The following TUT4 variants were observed in gnomAD, a reference collection of about 807,000 sequenced individuals.
The protein encoded by TUT4 is terminal uridylyl transferase 4.
In TUT4, 36 loss-of-function variants were observed where a neutral mutation model predicts 192.2. That is an observed-to-expected ratio of 0.19 (90% confidence interval 0.14 to 0.25). The LOEUF is 0.25. TUT4 is among the 10% of genes least tolerant of loss of function. The pLI, the probability that TUT4 is intolerant of heterozygous loss-of-function variation, is 1.00. For missense variants in TUT4, 1,493 were observed against 1,957.2 expected (o/e 0.76, Z 4.47); for synonymous variants, 618 against 666.0 (o/e 0.93, Z 1.11).
At chr1:52,435,595 C>G (rs941823932) in intron 26 of TUT4, 130 bp from the exon 27 acceptor site, 4 of 697,012 alleles carry the variant, frequency 5.7e-6, no homozygotes, top group Non-Finnish European at 7.2e-6. Context: ...GACTTTTAAA[C>G]CTTAAGTATA....
intron 20 of TUT4, among the ~76,000 whole-genome samples, chr1:52,456,230 C>T (rs1232384448): frequency 6.6e-6 from 1 of 151,062 alleles, no homozygotes; most frequent in African/African-American, 2.4e-5. Flanking sequence ...ATGGTAAAAC[C>T]CCACTCTACT....
intron 24 of TUT4, 111 bp downstream of exon 24, chr1:52,445,676 A>G (rs1299027088): frequency 2.6e-6 from 2 of 781,682 alleles, no homozygotes; most frequent in Admixed American, 2.7e-5. Flanking sequence ...AAAATATACA[A>G]AGCTATGACC....
chr1:52,502,042 C>A (rs1674254969), intron 4 of TUT4, among the ~76,000 whole-genome samples: 1 of 148,842 alleles, frequency 6.7e-6, no homozygotes, highest in East Asian at 2.0e-4. Flanking sequence ...GAGATGATTG[C>A]AAAACAATGT....
At position 52,474,923 on chromosome 1, in the gene TUT4, G is replaced by A; in HGVS notation, c.2636C>T (p.Thr879Ile). ...TSATSCNCKA[T>I]EDASDLNDDD... ...ATCATTAAGGTCAGAAGCATCTTCT[G>A]TAGCTTTGCAGTTGCAAGAGGTAGC... The change falls in exon 13 of 30, where the codon ACA becomes ATA. Residue 879 changes from threonine (T) to isoleucine (I), a missense_variant. Thr to Ile is a moderately conservative substitution (Grantham distance 89). Coordinates refer to ENST00000257177, the MANE Select transcript of TUT4 (RefSeq NM_001009881.3). 1 of 1,614,164 alleles carries A rather than the reference G, an allele frequency of 6.2e-7. No individual in the cohort carries two copies. The highest frequency in any genetic ancestry group is 1.1e-5 in the South Asian group (1 of 91,082).
intron 1 of TUT4, among the ~76,000 whole-genome samples, chr1:52,536,412 T>TA (rs1196674827): frequency 4.6e-5 from 7 of 151,932 alleles, no homozygotes; most frequent in African/African-American, 7.3e-5. Context: ...TATAATTCTA[T>TA]AAAAAATCAA....
intron 11 of TUT4, 88 bp from the exon 12 acceptor site, chr1:52,477,970 G>T: frequency 1.6e-6 from 2 of 1,272,518 alleles, no homozygotes; most frequent in East Asian, 2.5e-5. Context: ...TGGAGATCAC[G>T]TTTTCAAAAA....
intron 10 of TUT4, 38 bp downstream of exon 10, chr1:52,481,766 T>C (rs1381879737): frequency 1.3e-6 from 2 of 1,554,448 alleles, no homozygotes; most frequent in African/African-American, 1.4e-5. Flanking sequence ...GCAAACTATA[T>C]ATATATATGC....
At chr1:52,429,082 G>GTTTTTTTT (rs1195739562) in intron 28 of TUT4, among the ~76,000 whole-genome samples, 1 of 131,420 alleles carries the variant, frequency 7.6e-6, no homozygotes, top group Non-Finnish European at 1.6e-5. Flanking sequence ...TCCATAATAG[G>GTTTTTTTT]TTTTTTTTTT....
intron 3 of TUT4, among the ~76,000 whole-genome samples, chr1:52,510,970 TTTAGCAATGC>T (rs1676984918): frequency 6.6e-6 from 1 of 152,234 alleles, no homozygotes; most frequent in South Asian, 2.1e-4. Flanking sequence ...ACACTGAAAC[TTTAGCAATGC>T]TTAGTTTTTA....
Position 52,435,476 on chromosome 1 carries a change from G to T in TUT4, c.4163-11C>A. ...GGACCAGCTGGGCTGCTAAGAGAAG[G>T]CATCACAAAGAAAATCAACAGATAA... On this transcript the variant is annotated splice_polypyrimidine_tract_variant and intron_variant, in intron 26 of 29. Coordinates refer to ENST00000257177, the MANE Select transcript of TUT4 (RefSeq NM_001009881.3). 1 of 1,609,312 alleles carries T rather than the reference G, an allele frequency of 6.2e-7. No homozygotes were observed. The highest frequency in any genetic ancestry group is 8.5e-7 in the Non-Finnish European group (1 of 1,175,884).
rs1029716868 is a variant in TUT4, at chr1:52,525,945, G to A, written c.336C>T (p.Thr112=). ...CCTTTTCTGATTTTGCCTGTGAAAT[G>A]GTTGCCTTTTCGGCTTTCACCGGTG... ...PNSPVKAEKA[T]ISQAKSEKAT... is the part of the protein sequence containing the mutation. Residue 112 remains threonine (T), a synonymous_variant, in exon 2 of 30, where the codon ACC becomes ACT. Transcript: ENST00000257177. 2 of 1,613,954 alleles carry A rather than the reference G, an allele frequency of 1.2e-6. No homozygotes were observed. Among genetic ancestry groups the A allele is most frequent in the Non-Finnish European group, 1.7e-6 (2 of 1,180,020 alleles).
chr1:52,425,728 T>C (rs1012320450), intron 28 of TUT4, among the ~76,000 whole-genome samples: 1 of 152,102 alleles, frequency 6.6e-6, no homozygotes, highest in African/African-American at 2.4e-5. Context: ...CACAACAATA[T>C]GTAATAATTG....
At chr1:52,463,443 C>G in intron 16 of TUT4, 3 of 1,026,880 alleles carry the variant, frequency 2.9e-6, no homozygotes, top group Non-Finnish European at 3.5e-6. Context: ...GTTAAGTCAT[C>G]ACTGCCATCT....
At position 52,461,216 on chromosome 1, in the gene TUT4, T is replaced by C; in HGVS notation, c.3239A>G (p.His1080Arg). 1 of 1,603,010 alleles carries C rather than the reference T, an allele frequency of 6.2e-7. No individual in the cohort carries two copies. Among genetic ancestry groups the C allele is most frequent in the Non-Finnish European group, 8.5e-7 (1 of 1,175,496 alleles). Residue 1080 changes from histidine (H) to arginine (R), a missense_variant, in exon 19 of 30, where the codon CAT becomes CGT. By Grantham distance (29) the His-to-Arg change is conservative (BLOSUM62 0). This residue lies in a region of TUT4 where 141 missense variants were observed against 382.7 expected (regional missense o/e 0.37). Transcript: ENST00000257177. ...ATAAGTAGCTAGCATTCTTGTGTTA[T>C]GTTGAGCCTGAAAAATAATTACATA... ...DISLYNTLAQ[H>R]NTRMLATYAA...
At chr1:52,443,077 A>G (rs2148393588) in intron 24 of TUT4, among the ~76,000 whole-genome samples, 1 of 150,066 alleles carries the variant, frequency 6.7e-6, no homozygotes, top group East Asian at 2.0e-4. Flanking sequence ...TAAGGTCCGG[A>G]GTTCAAAACC....
chr1:52,493,582 AAAAGAAAAG>A lies in TUT4; in HGVS notation c.1318+20_1318+28del. The A allele has an allele frequency of 7.1e-7, 1 of 1,400,776 alleles. No individual in the cohort carries two copies. The highest frequency in any genetic ancestry group is 9.8e-7 in the Non-Finnish European group (1 of 1,023,740). The allele number at this position is 1,400,776 out of a possible 1,614,324, so 86.8% of individuals were successfully genotyped here. ...CTTTAGAAAGACAAATTAAAAAAAA[AAAAGAAAAG>A]AAAAAGAAAAGAAACTCACCATTTT... On this transcript the variant is annotated intron_variant, in intron 7 of 29. Coordinates refer to ENST00000257177, the MANE Select transcript of TUT4 (RefSeq NM_001009881.3).
In TUT4 at chr1:52,457,485, C is replaced by T. The variant is rs576746697; in HGVS notation, c.3435+851G>A. Reference sequence around the variant, plus strand: ...TCTTGACCTCGTGATCTGCCCGCCTCGGCCTCCCAAAGTGCTGGGATTACA... The same window carrying T: ...TCTTGACCTCGTGATCTGCCCGCCTTGGCCTCCCAAAGTGCTGGGATTACA... On this transcript the variant is annotated intron_variant, in intron 20 of 29. Transcript: ENST00000257177. Among the ~76,000 whole-genome samples the T allele has an allele frequency of 3.5e-4, 54 of 152,294 alleles. 1 individual carries two copies. In the East Asian group the frequency reaches 8.7e-3, roughly 24 times the overall value.
chr1:52,525,420 T>A, intron 2 of TUT4, 143 bp downstream of exon 2: 1 of 1,107,488 alleles, frequency 9.0e-7, no homozygotes, highest in Non-Finnish European at 1.2e-6. Context: ...TTAATGCAAG[T>A]ATTATTAATG....
intron 1 of TUT4, among the ~76,000 whole-genome samples, chr1:52,544,757 T>A (rs1401706618): frequency 6.6e-6 from 1 of 151,950 alleles, no homozygotes; most frequent in Non-Finnish European, 1.5e-5. Flanking sequence ...CACTATCAAC[T>A]GAGTAAAATG....
Sources: allele counts gnomAD v4.1 joint callset (sites outside exome capture counted in the v4.1 genomes callset), GRCh38; gene constraint gnomAD v4.1.1; regional missense constraint gnomAD v4.1.1; transcripts MANE v1.5; gene names NCBI Gene and HGNC (gene_info 2026-07-23, HGNC 2026-07-21).